The following TMCO2 variants were observed in gnomAD, a reference collection of about 807,000 sequenced individuals.
TMCO2 encodes the protein transmembrane and coiled-coil domains 2.
Under a neutral mutation model 18.0 loss-of-function variants are expected in TMCO2, and 15 were observed. The ratio of observed to expected loss-of-function variants is 0.84; its 90% CI spans 0.56 to 1.29. The LOEUF is 1.29. Among genes scored for constraint, TMCO2 ranks in the 50% most tolerant of loss-of-function variants. The pLI is 0.00. For synonymous variants in TMCO2, 79 were observed against 75.9 expected (o/e 1.04, Z -0.21); for missense variants, 182 against 200.9 (o/e 0.91, Z 0.57).
In TMCO2 at chr1:40,251,510, G is replaced by A. The variant is rs149852218; in HGVS notation, c.465G>A (p.Lys155=). ...TCGTTGCTCAAAAACCTGCCACGAA[G>A]AGGGATTGCTCCTCTGAGCCCTACT... ...GIIVAQKPAT[K]RDCSSEPYCS... The change falls in exon 2 of 2, where the codon AAG becomes AAA. Residue 155 remains lysine, a synonymous_variant. Transcript: ENST00000372766. 1.9e-6 allele frequency: 3 copies of A among 1,614,026 alleles called. No homozygotes were observed. Among genetic ancestry groups the A allele is most frequent in the South Asian group, 2.2e-5 (2 of 91,042 alleles).
rs1643385173 is a variant in TMCO2, at chr1:40,251,575, G to A, written c.530G>A (p.Gly177Glu). Residue 177 changes from glycine (G) to glutamate (E), a missense_variant, in exon 2 of 2, where the codon GGG becomes GAG. Coordinates refer to ENST00000372766, the MANE Select transcript of TMCO2 (RefSeq NM_001008740.4). ...SDCQSPLSTSGFTSPI is the reference protein window; with the variant it reads ...SDCQSPLSTSEFTSPI ...TGCCAGAGTCCCTTGTCCACATCAG[G>A]GTTTACTTCCCCCATTTGAAATGTG... 1.2e-6 allele frequency: 2 copies of A among 1,603,402 alleles called. No homozygotes were observed. Among genetic ancestry groups the A allele is most frequent in the Admixed American group, 1.8e-5 (1 of 56,252 alleles).
At chr1:40,249,255 ATGTGTGTGTGTG>A (rs3075101) in intron 1 of TMCO2, among the ~76,000 whole-genome samples, 3,608 of 139,916 alleles carry the variant, frequency 0.026, 122 homozygotes, top group African/African-American at 0.077. Context: ...TTGAACAGGA[ATGTGTGTGTGTG>A]TGTGTGTGTG....
chr1:40,251,408 G>A lies in TMCO2; in HGVS notation c.363G>A (p.Leu121=). The A allele has an allele frequency of 6.2e-7, 1 of 1,614,096 alleles. No homozygotes were observed. Among genetic ancestry groups the A allele is most frequent in the Middle Eastern group, 1.6e-4 (1 of 6,062 alleles). ...LRIQDNNNLF[L]SLGLQEKILK... The stretch of plus-strand genomic sequence containing the variant: ...TTCAAGACAATAATAATCTTTTCCT[G>A]TCCTTGGGTCTGCAAGAGAAAATTT... The change falls in exon 2 of 2, where the codon CTG becomes CTA. Residue 121 remains leucine, a synonymous_variant. Transcript: ENST00000372766.
rs1311019433 is a variant in TMCO2, at chr1:40,248,180, T to C, written c.187T>C (p.Leu63=). The part of the protein sequence containing the change: ...IILRISFLIL[L]GIGIYALWKR... Reference sequence around the variant, plus strand: ...CTTGAGGATTTCTTTCTTGATTTTATTGGGAATAGGAATATATGCCTTATG... The same window carrying C: ...CTTGAGGATTTCTTTCTTGATTTTACTGGGAATAGGAATATATGCCTTATG... Residue 63 remains leucine (L), a synonymous_variant, in exon 1 of 2, where the codon TTG becomes CTG. Transcript: ENST00000372766. 4.3e-6 allele frequency: 7 copies of C among 1,614,204 alleles called. No individual in the cohort carries two copies. The highest frequency in any genetic ancestry group is 5.9e-6 in the Non-Finnish European group (7 of 1,180,040).
At chr1:40,248,443 C>T (rs1340039811) in intron 1 of TMCO2, among the ~76,000 whole-genome samples, 2 of 152,126 alleles carry the variant, frequency 1.3e-5, no homozygotes. Context: ...TTTGGCTTGT[C>T]TTCTGTAATA....
chr1:40,248,156 T>C lies in TMCO2; in HGVS notation c.163T>C (p.Leu55=). 3 of 1,614,200 alleles carry C rather than the reference T, an allele frequency of 1.9e-6. No homozygotes were observed. Among genetic ancestry groups the C allele is most frequent in the Non-Finnish European group, 2.5e-6 (3 of 1,180,030 alleles). Residue 55 remains leucine (L), a synonymous_variant, in exon 1 of 2, where the codon TTG becomes CTG. Transcript: ENST00000372766. ...TCTTGCTCCAGCTGTGCAAATCATC[T>C]TGAGGATTTCTTTCTTGATTTTATT... is the stretch of plus-strand genomic sequence containing the variant. The part of the protein sequence containing the change: ...DNLAPAVQII[L]RISFLILLGI...
At position 40,248,144 on chromosome 1, in the gene TMCO2, G is replaced by A; in HGVS notation, c.151G>A (p.Val51Met). 1 of 1,614,174 alleles carries A rather than the reference G, an allele frequency of 6.2e-7. No homozygotes were observed. Among genetic ancestry groups the A allele is most frequent in the East Asian group, 2.2e-5 (1 of 44,884 alleles). ...LGLLDNLAPA[V>M]QIILRISFLI... ...ACTATTAGATAATCTTGCTCCAGCT[G>A]TGCAAATCATCTTGAGGATTTCTTT... Residue 51 changes from valine to methionine, a missense_variant, in exon 1 of 2, where the codon GTG becomes ATG. Transcript: ENST00000372766.
intron 1 of TMCO2, among the ~76,000 whole-genome samples, chr1:40,250,997 C>A (rs1643378795): frequency 6.6e-6 from 1 of 152,024 alleles, no homozygotes; most frequent in Non-Finnish European, 1.5e-5. Context: ...ATTAGCCGGG[C>A]GTGGTGGTGG....
Position 40,248,250 on chromosome 1 carries a change from AAC to A in TMCO2, c.237+22_237+23del, listed in dbSNP as rs751480336. On this transcript the variant is annotated intron_variant, in intron 1 of 1. Coordinates refer to ENST00000372766, the MANE Select transcript of TMCO2 (RefSeq NM_001008740.4). ...ATTCAGGTTATACTCTTTTGTTACA[AAC>A]ATTTATATAGTTATAAATTGAAATT... The A allele has an allele frequency of 6.3e-7, 1 of 1,576,272 alleles. No homozygotes were observed. Among genetic ancestry groups the A allele is most frequent in the South Asian group, 1.1e-5 (1 of 89,756 alleles).
intron 1 of TMCO2, 54 bp downstream of exon 1, chr1:40,248,284 G>A: frequency 6.9e-7 from 1 of 1,453,710 alleles, no homozygotes; most frequent in East Asian, 2.3e-5. Flanking sequence ...AATTTGATTA[G>A]TTCTCTCCCA....
At chr1:40,250,741 TTATC>T (rs568809119) in intron 1 of TMCO2, among the ~76,000 whole-genome samples, 7 of 152,210 alleles carry the variant, frequency 4.6e-5, no homozygotes, top group South Asian at 2.1e-4. Flanking sequence ...CAGAAAATGG[TTATC>T]TATTATTACA....
At chr1:40,250,138 A>G (rs1643369691) in intron 1 of TMCO2, among the ~76,000 whole-genome samples, 1 of 151,598 alleles carries the variant, frequency 6.6e-6, no homozygotes, top group South Asian at 2.1e-4. Context: ...TTGGAACCAT[A>G]GGCATGCACC....
Position 40,251,411 on chromosome 1 carries a change from C to CT in TMCO2, c.368dup (p.Leu123PhefsTer12). 1 of 1,614,038 alleles carries CT rather than the reference C, an allele frequency of 6.2e-7. No homozygotes were observed. The highest frequency in any genetic ancestry group is 8.5e-7 in the Non-Finnish European group (1 of 1,180,012). ...AAGACAATAATAATCTTTTCCTGTC[C>CT]TTGGGTCTGCAAGAGAAAATTTTGA... On this transcript the variant is annotated frameshift_variant, in exon 2 of 2. Coordinates refer to ENST00000372766, the MANE Select transcript of TMCO2 (RefSeq NM_001008740.4). LOFTEE classifies it high-confidence loss of function.
At position 40,248,224 on chromosome 1, in the gene TMCO2, A is replaced by T. The variant is rs141492310; in HGVS notation, c.231A>T (p.Ser77=). The T allele has an allele frequency of 9.2e-4, 1,481 of 1,608,074 alleles. 1 individual carries two copies. The highest frequency in any genetic ancestry group is 1.2e-3 in the Non-Finnish European group (1,358 of 1,174,816). The change falls in exon 1 of 2, where the codon TCA becomes TCT. Residue 77 remains serine (S), a synonymous_variant. Transcript: ENST00000372766. The part of the protein sequence containing the change: ...IYALWKRSIQ[S]IQKTLLFVIT... Reference sequence around the variant, plus strand: ...CCTTATGGAAACGAAGTATTCAGTCAATTCAGGTTATACTCTTTTGTTACA... The same window carrying T: ...CCTTATGGAAACGAAGTATTCAGTCTATTCAGGTTATACTCTTTTGTTACA...
rs1009282901 is a variant in TMCO2, at chr1:40,250,919, C to T, written c.238-364C>T. Among the ~76,000 whole-genome samples, 8 of 152,250 alleles carry T rather than the reference C, an allele frequency of 5.3e-5. No individual in the cohort carries two copies. The East Asian group carries it at 1.4e-3, about 26-fold the overall frequency. The stretch of plus-strand genomic sequence containing the variant: ...TTGGGAGGCCACGATGGGCGGATCA[C>T]GAGGTCAGGAGATTGAGAACATCCT... On this transcript the variant is annotated intron_variant, in intron 1 of 1. Coordinates refer to ENST00000372766, the MANE Select transcript of TMCO2 (RefSeq NM_001008740.4).
At chr1:40,249,503 C>G (rs541891093) in intron 1 of TMCO2, among the ~76,000 whole-genome samples, 17 of 150,610 alleles carry the variant, frequency 1.1e-4, no homozygotes, top group African/African-American at 2.7e-4. Context: ...TGCTTGAACC[C>G]GGGAGGTGGA....
At chr1:40,249,878 T>C (rs1643367366) in intron 1 of TMCO2, among the ~76,000 whole-genome samples, 1 of 152,192 alleles carries the variant, frequency 6.6e-6, no homozygotes, top group South Asian at 2.1e-4. Context: ...TTTCACCATG[T>C]TGGCCAGGCT....
intron 1 of TMCO2, among the ~76,000 whole-genome samples, chr1:40,250,210 G>A (rs996856779): frequency 2.0e-5 from 3 of 151,724 alleles, no homozygotes; most frequent in Non-Finnish European, 4.4e-5. Context: ...CGTTCACTAT[G>A]TTGCTCAGGC....
At position 40,250,524 on chromosome 1, in the gene TMCO2, T is replaced by C. The variant is rs143107784; in HGVS notation, c.238-759T>C. 4.3e-3 allele frequency among the ~76,000 whole-genome samples: 653 copies of C among 152,178 alleles called. 3 individuals are homozygous for C. Among genetic ancestry groups the C allele is most frequent in the Middle Eastern group, 0.014 (4 of 294 alleles). Reference sequence around the variant, plus strand: ...CTCCTAGTATATTTTAAAAACCTTTTCCATGACCAAGAAATCCAGTTTTTC... The same window carrying C: ...CTCCTAGTATATTTTAAAAACCTTTCCCATGACCAAGAAATCCAGTTTTTC... On this transcript the variant is annotated intron_variant, in intron 1 of 1. Coordinates refer to ENST00000372766, the MANE Select transcript of TMCO2 (RefSeq NM_001008740.4).
Sources: allele counts gnomAD v4.1 joint callset (sites outside exome capture counted in the v4.1 genomes callset), GRCh38; gene constraint gnomAD v4.1.1; transcripts MANE v1.5; gene names NCBI Gene and HGNC (gene_info 2026-07-23, HGNC 2026-07-21).